The following GRK5 variants were observed in gnomAD, a reference collection of about 807,000 sequenced individuals.
GRK5 encodes g protein-coupled receptor kinase GRK5.
GRK5 carries 40 observed loss-of-function variants against 78.4 expected under a neutral mutation model. The ratio of observed to expected loss-of-function variants is 0.51; its 90% confidence interval spans 0.40 to 0.66. The LOEUF is 0.66. Among genes scored for constraint, GRK5 ranks in the 30% least tolerant of loss-of-function variants. GRK5 has a pLI of 0.00. For missense variants in GRK5, 598 were observed against 759.9 expected, an observed-to-expected ratio of 0.79 and a Z score of 2.50; for synonymous variants, 289 against 296.8, an observed-to-expected ratio of 0.97 and a Z score of 0.27.
intron 1 of GRK5, among the ~76,000 whole-genome samples, chr10:119,273,210 G>A (rs145766137): frequency 9.1e-4 from 138 of 152,260 alleles, no homozygotes; most frequent in African/African-American, 3.1e-3. Context: ...AAGGTGCCTC[G>A]GCAGCTCCAC....
chr10:119,303,704 T>G (rs1850224944), intron 1 of GRK5, among the ~76,000 whole-genome samples: 3 of 143,460 alleles, frequency 2.1e-5, no homozygotes, highest in South Asian at 2.3e-4. Flanking sequence ...AGAACGGAGG[T>G]GGGAGGGGAG....
intron 1 of GRK5, among the ~76,000 whole-genome samples, chr10:119,231,448 G>A (rs1564856791): frequency 1.3e-5 from 2 of 152,160 alleles, no homozygotes; most frequent in Non-Finnish European, 2.9e-5. Flanking sequence ...GGTCATGCCT[G>A]TAATCCTAGC....
intron 1 of GRK5, among the ~76,000 whole-genome samples, chr10:119,241,947 A>G (rs1849034819): frequency 1.3e-5 from 2 of 152,122 alleles, no homozygotes; most frequent in African/African-American, 4.8e-5. Context: ...GGGCTTCTGG[A>G]GGGTAGGGAA....
intron 4 of GRK5, among the ~76,000 whole-genome samples, chr10:119,398,983 T>C (rs1266447545): frequency 3.6e-5 from 5 of 140,550 alleles, no homozygotes; most frequent in Non-Finnish European, 1.6e-5. Flanking sequence ...CACTGAGGGC[T>C]GCCACCGGGT....
chr10:119,451,720 C>A (rs1853291894), intron 13 of GRK5, among the ~76,000 whole-genome samples: 1 of 152,216 alleles, frequency 6.6e-6, no homozygotes, highest in Non-Finnish European at 1.5e-5. Flanking sequence ...TGGCCTTGAG[C>A]CTTGAGCTGG....
intron 1 of GRK5, among the ~76,000 whole-genome samples, chr10:119,272,618 T>G (rs10886436): frequency 0.51 from 76,111 of 148,352 alleles, 19,876 homozygotes; most frequent in East Asian, 0.73. Context: ...AACAAGAAAC[T>G]GAGTGGATGA....
chr10:119,353,932 C>CTTTTTTTTTTTTTTTTTTTTTTTTT (rs761463283), intron 2 of GRK5, among the ~76,000 whole-genome samples: 2 of 108,736 alleles, frequency 1.8e-5, no homozygotes, highest in African/African-American at 3.5e-5. Context: ...TTTTTTCTTT[C>CTTTTTTTTTTTTTTTTTTTTTTTTT]TTTTTTTTTT....
Position 119,427,979 on chromosome 10 carries a change from C to T in GRK5, c.534-2396C>T, listed in dbSNP as rs557490422. Among the ~76,000 whole-genome samples the T allele has an allele frequency of 4.2e-4, 60 of 141,216 alleles. No individual in the cohort carries two copies. In the South Asian group the frequency reaches 4.3e-3, roughly 10 times the overall value. 92.6% of individuals were successfully genotyped at this position (141,216 alleles called of 152,430 possible). A position where few individuals can be genotyped will look rare whatever the true frequency, so the allele number is the denominator to read the frequency against. ...GCCTCACTGCCATCATCAGCATCACCGCCATCAACAGCATCACTGCCATTA... is the reference window on the plus strand; with the variant it reads ...GCCTCACTGCCATCATCAGCATCACTGCCATCAACAGCATCACTGCCATTA... On this transcript the variant is annotated intron_variant, in intron 6 of 15. Coordinates refer to ENST00000392870, the MANE Select transcript of GRK5 (RefSeq NM_005308.3).
intron 1 of GRK5, among the ~76,000 whole-genome samples, chr10:119,275,392 C>T (rs772614280): frequency 6.6e-6 from 1 of 152,206 alleles, no homozygotes; most frequent in Non-Finnish European, 1.5e-5. Flanking sequence ...AGGTGAAAGC[C>T]TCAGGTGCTG....
At chr10:119,233,593 CT>C (rs1021874128) in intron 1 of GRK5, among the ~76,000 whole-genome samples, 3 of 152,184 alleles carry the variant, frequency 2.0e-5, no homozygotes, top group African/African-American at 7.2e-5. Context: ...ATGTACCCCC[CT>C]GGTTTCCTGT....
chr10:119,224,961 A>G (rs928671), intron 1 of GRK5, among the ~76,000 whole-genome samples: 146,091 of 152,236 alleles, frequency 0.96, 70,375 homozygotes, highest in East Asian at 1. Context: ...GAGAATTTGC[A>G]GGTGCATTTT....
Position 119,271,992 on chromosome 10 carries a change from G to A in GRK5, c.53-54524G>A, listed in dbSNP as rs1438673940. 6.6e-6 allele frequency among the ~76,000 whole-genome samples: 1 copy of A among 152,242 alleles called. No individual in the cohort carries two copies. The highest frequency in any genetic ancestry group is 1.5e-5 in the Non-Finnish European group (1 of 68,034). On this transcript the variant is annotated intron_variant, in intron 1 of 15. Coordinates refer to ENST00000392870, the MANE Select transcript of GRK5 (RefSeq NM_005308.3). The surrounding 1 kb of genome is among the most constrained non-coding windows in gnomAD (Gnocchi z 4.1). ...TGCCACAGTCTCATGACTCTGCTGG[G>A]AAGAGCCTTCCTGCGGGCCCCCTTG...
intron 2 of GRK5, among the ~76,000 whole-genome samples, chr10:119,367,902 C>T (rs1337598596): frequency 6.6e-6 from 1 of 152,226 alleles, no homozygotes; most frequent in Non-Finnish European, 1.5e-5. Context: ...TGCTTTTGGC[C>T]AGCACAGCCG....
chr10:119,346,296 C>G (rs908077869), intron 2 of GRK5, among the ~76,000 whole-genome samples: 1 of 152,216 alleles, frequency 6.6e-6, no homozygotes, highest in African/African-American at 2.4e-5. Context: ...CCGTGCAGCC[C>G]TAGGGGTAGC....
chr10:119,299,717 A>G (rs940397829), intron 1 of GRK5, among the ~76,000 whole-genome samples: 4 of 152,160 alleles, frequency 2.6e-5, no homozygotes, highest in Admixed American at 2.6e-4. Context: ...CCTTGACCAT[A>G]TAGTGACTGA....
At position 119,240,357 on chromosome 10, in the gene GRK5, T is replaced by C. The variant is rs575958915; in HGVS notation, c.52+32388T>C. Among the ~76,000 whole-genome samples the C allele has an allele frequency of 3.0e-4, 45 of 151,836 alleles. 1 individual carries two copies. In the South Asian group the frequency reaches 7.5e-3, roughly 25 times the overall value. Reference sequence around the variant, plus strand: ...CTGGGACTACAGGCGCCTGCTACCATGCCCGGCTAATTTTTTTGTATTTTT... The same window carrying C: ...CTGGGACTACAGGCGCCTGCTACCACGCCCGGCTAATTTTTTTGTATTTTT... On this transcript the variant is annotated intron_variant, in intron 1 of 15. Coordinates refer to ENST00000392870, the MANE Select transcript of GRK5 (RefSeq NM_005308.3).
intron 1 of GRK5, among the ~76,000 whole-genome samples, chr10:119,240,655 A>G (rs1419691901): frequency 6.6e-6 from 1 of 151,694 alleles, no homozygotes; most frequent in Non-Finnish European, 1.5e-5. Flanking sequence ...ATCTGTTCAT[A>G]TCCTTTGCCC....
chr10:119,295,189 C>CA (rs35333246), intron 1 of GRK5, among the ~76,000 whole-genome samples: 27 of 81,120 alleles, frequency 3.3e-4, no homozygotes, highest in African/African-American at 1.3e-3. Context: ...GACTCAGTCT[C>CA]AAAAAAAAAA....
At chr10:119,360,666 T>C (rs1187090234) in intron 2 of GRK5, among the ~76,000 whole-genome samples, 1 of 152,086 alleles carries the variant, frequency 6.6e-6, no homozygotes, top group Non-Finnish European at 1.5e-5. Context: ...ACTGTGTGAG[T>C]GGGAGGAGCC....
Sources: gnomAD v4.1 joint callset for allele counts (sites outside exome capture counted in the v4.1 genomes callset) on GRCh38, gnomAD v4.1.1 for gene constraint, Gnocchi (gnomAD v3.1) non-coding constraint, MANE v1.5 for transcripts, NCBI Gene and HGNC (gene_info 2026-07-23, HGNC 2026-07-21) for gene names.